The following KCNJ3 variants were observed in gnomAD, a reference collection of about 807,000 sequenced individuals.
KCNJ3 encodes potassium inwardly rectifying channel subfamily J member 3.
Under a neutral mutation model 39.2 loss-of-function variants are expected in KCNJ3, and 4 were observed. That is an observed-to-expected ratio of 0.10 (90% CI 0.05 to 0.23). KCNJ3 has a LOEUF of 0.23. Among genes scored for constraint, KCNJ3 ranks in the 10% least tolerant of loss-of-function variants. The pLI, the probability that KCNJ3 is intolerant of heterozygous loss-of-function variation, is 1.00. For missense variants in KCNJ3, 276 were observed against 634.9 expected (o/e 0.43, Z 6.08); for synonymous variants, 230 against 237.4 (o/e 0.97, Z 0.29).
chr2:154,781,487 T>C (rs1686436457), intron 2 of KCNJ3, among the ~76,000 whole-genome samples: 1 of 152,166 alleles, frequency 6.6e-6, no homozygotes, highest in African/African-American at 2.4e-5. Flanking sequence ...AGGAAAAATA[T>C]ATAGTCTGAG....
At chr2:154,837,786 G>T (rs999584936) in intron 2 of KCNJ3, among the ~76,000 whole-genome samples, 1 of 152,160 alleles carries the variant, frequency 6.6e-6, no homozygotes, top group South Asian at 2.1e-4. Context: ...GACTGGTGAT[G>T]CCTTTGCATG....
intron 2 of KCNJ3, among the ~76,000 whole-genome samples, chr2:154,773,695 G>A (rs1318251258): frequency 6.6e-6 from 1 of 151,848 alleles, no homozygotes; most frequent in African/African-American, 2.4e-5. Flanking sequence ...CTCTTTTTTA[G>A]GTTGCACATT....
chr2:154,795,271 C>T (rs1249688155), intron 2 of KCNJ3, among the ~76,000 whole-genome samples: 3 of 151,996 alleles, frequency 2.0e-5, no homozygotes, highest in Non-Finnish European at 4.4e-5. Flanking sequence ...TGGCACAAAT[C>T]AGTGCTCCTC....
intron 2 of KCNJ3, among the ~76,000 whole-genome samples, chr2:154,739,079 C>T (rs541246084): frequency 2.6e-5 from 4 of 152,088 alleles, no homozygotes; most frequent in Admixed American, 6.6e-5. Flanking sequence ...CTTTCAGACT[C>T]GTAATCTTCT....
chr2:154,850,034 T>TAAAAAATG (rs1687731464), intron 2 of KCNJ3, among the ~76,000 whole-genome samples: 1 of 137,698 alleles, frequency 7.3e-6, no homozygotes, highest in Non-Finnish European at 1.5e-5. Context: ...TTTTTTTTTT[T>TAAAAAATG]TTTTTTTTTT....
chr2:154,706,394 A>G (rs912423374), intron 1 of KCNJ3, among the ~76,000 whole-genome samples: 4 of 152,126 alleles, frequency 2.6e-5, no homozygotes, highest in African/African-American at 9.7e-5. Context: ...TCTGCTTATT[A>G]TCAAATATTT....
At chr2:154,764,049 ATTGTCATTC>A (rs1304018610) in intron 2 of KCNJ3, among the ~76,000 whole-genome samples, 6 of 152,184 alleles carry the variant, frequency 3.9e-5, no homozygotes, top group Non-Finnish European at 8.8e-5. Context: ...AATATACAGA[ATTGTCATTC>A]AAACTGAGAC....
At chr2:154,774,401 T>C (rs1686296161) in intron 2 of KCNJ3, among the ~76,000 whole-genome samples, 1 of 152,186 alleles carries the variant, frequency 6.6e-6, no homozygotes, top group South Asian at 2.1e-4. Context: ...AGTGTTTTAA[T>C]GTAGCAATTT....
intron 2 of KCNJ3, among the ~76,000 whole-genome samples, chr2:154,712,337 A>C (rs1046372376): frequency 1.3e-5 from 2 of 152,182 alleles, no homozygotes; most frequent in Admixed American, 6.5e-5. Context: ...TTCTCATAAT[A>C]CGTATTGCCT....
intron 2 of KCNJ3, among the ~76,000 whole-genome samples, chr2:154,831,125 T>C (rs1427210424): frequency 6.6e-6 from 1 of 152,180 alleles, no homozygotes; most frequent in African/African-American, 2.4e-5. Context: ...AGATATTTTC[T>C]CCAATGGACA....
At chr2:154,853,008 CT>C (rs1470805823) in intron 2 of KCNJ3, among the ~76,000 whole-genome samples, 1 of 151,866 alleles carries the variant, frequency 6.6e-6, no homozygotes, top group Non-Finnish European at 1.5e-5. Flanking sequence ...TAGGATGATA[CT>C]TTTTTTCTCT....
chr2:154,825,584 A>AT (rs1368659818), intron 2 of KCNJ3, among the ~76,000 whole-genome samples: 9 of 122,902 alleles, frequency 7.3e-5, no homozygotes, highest in Non-Finnish European at 1.6e-4. Flanking sequence ...TTATTTATTT[A>AT]TTATTTTTTG....
intron 2 of KCNJ3, among the ~76,000 whole-genome samples, chr2:154,790,539 G>A (rs572889543): frequency 2.0e-5 from 3 of 152,188 alleles, no homozygotes; most frequent in East Asian, 1.9e-4. Flanking sequence ...CTAATGCTTA[G>A]CTACGTTGCA....
Position 154,750,289 on chromosome 2 carries a change from A to T in KCNJ3, c.919+40470A>T, listed in dbSNP as rs967686715. Among the ~76,000 whole-genome samples, 10 of 152,098 alleles carry T rather than the reference A, an allele frequency of 6.6e-5. No homozygotes were observed. The East Asian group carries it at 1.7e-3, about 26-fold the overall frequency. On this transcript the variant is annotated intron_variant, in intron 2 of 2. Transcript: ENST00000295101. ...AGACTTCATTTTAGTTTCAGTATCTATAGGGTTAGGTTATAAACTTTGCTA... is the reference window on the plus strand; with the variant it reads ...AGACTTCATTTTAGTTTCAGTATCTTTAGGGTTAGGTTATAAACTTTGCTA...
chr2:154,826,267 G>T (rs1001307598), intron 2 of KCNJ3, among the ~76,000 whole-genome samples: 5 of 152,178 alleles, frequency 3.3e-5, no homozygotes, highest in African/African-American at 1.2e-4. Context: ...TGCCCAATGG[G>T]ATATGTGAAA....
chr2:154,827,636 C>T (rs1301215799), intron 2 of KCNJ3, among the ~76,000 whole-genome samples: 3 of 152,056 alleles, frequency 2.0e-5, no homozygotes, highest in Non-Finnish European at 4.4e-5. Flanking sequence ...TTGGAAGACT[C>T]AGGAGGAAAG....
In KCNJ3 at chr2:154,835,489, G is replaced by T. The variant is rs909976251; in HGVS notation, c.920-19238G>T. Among the ~76,000 whole-genome samples the T allele has an allele frequency of 7.8e-5, 7 of 90,010 alleles. 1 individual carries two copies. The highest frequency in any genetic ancestry group is 2.5e-4 in the Admixed American group (2 of 7,992). 59.1% of individuals were successfully genotyped at this position (90,010 alleles called of 152,430 possible). Reference sequence around the variant, plus strand: ...ATGAATATGAATATATAATATTCATGAATATGAATATATATCAAAATATAT... The same window carrying T: ...ATGAATATGAATATATAATATTCATTAATATGAATATATATCAAAATATAT... On this transcript the variant is annotated intron_variant, in intron 2 of 2. Transcript: ENST00000295101.
intron 2 of KCNJ3, among the ~76,000 whole-genome samples, chr2:154,731,463 C>G (rs913792582): frequency 2.6e-5 from 4 of 151,746 alleles, no homozygotes; most frequent in Non-Finnish European, 5.9e-5. Flanking sequence ...GAGAATTTAT[C>G]TAGTTAATTC....
At chr2:154,825,779 A>G (rs1285013049) in intron 2 of KCNJ3, among the ~76,000 whole-genome samples, 1 of 122,532 alleles carries the variant, frequency 8.2e-6, no homozygotes, top group African/African-American at 2.7e-5. Context: ...AGGTCTCACT[A>G]TGTTGCCCAG....
Sources: gnomAD v4.1 joint callset for allele counts (sites outside exome capture counted in the v4.1 genomes callset) on GRCh38, gnomAD v4.1.1 for gene constraint, MANE v1.5 for transcripts, NCBI Gene and HGNC (gene_info 2026-07-23, HGNC 2026-07-21) for gene names.